LMTK2: variants seen among roughly 807,000 people sequenced by gnomAD.
The protein encoded by LMTK2 is lemur tail kinase 2, also known as serine/threonine-protein kinase LMTK2.
A neutral mutation model predicts 127.5 loss-of-function variants in LMTK2; 37 were observed. The observed-to-expected ratio is 0.29, with a 90% CI of 0.22 to 0.38. LMTK2 has a LOEUF of 0.38. Ranked by LOEUF, LMTK2 falls within the 10% of genes least tolerant of loss-of-function variation. The pLI is 1.00. For missense variants in LMTK2, 1,694 were observed against 1,920.3 expected (o/e 0.88, Z 2.20); for synonymous variants, 819 against 810.1 (o/e 1.01, Z -0.19).
At position 98,192,504 on chromosome 7, in the gene LMTK2, T is replaced by G; in HGVS notation, c.2039T>G (p.Val680Gly). The change falls in exon 11 of 14, where the codon GTC becomes GGC. Residue 680 changes from valine to glycine, a missense_variant. This residue lies in a region of LMTK2 where 527 missense variants were observed against 539.8 expected (regional missense o/e 0.98). Coordinates refer to ENST00000297293, the MANE Select transcript of LMTK2 (RefSeq NM_014916.4). Reference protein sequence around the residue: ...SSSLDNPKESVITGHFEKEKP... With the variant: ...SSSLDNPKESGITGHFEKEKP... The stretch of plus-strand genomic sequence containing the variant: ...AGTTTGGATAACCCCAAAGAGTCAG[T>G]CATAACAGGCCACTTTGAGAAAGAA... 2 of 1,611,544 alleles carry G rather than the reference T, an allele frequency of 1.2e-6. No individual in the cohort carries two copies. The highest frequency in any genetic ancestry group is 1.7e-6 in the Non-Finnish European group (2 of 1,179,430).
chr7:98,140,395 A>T (rs1386766599), intron 2 of LMTK2, among the ~76,000 whole-genome samples: 2 of 151,752 alleles, frequency 1.3e-5, no homozygotes, highest in Non-Finnish European at 2.9e-5. Flanking sequence ...CAAGTGATCC[A>T]CCTGCCTCAG....
intron 1 of LMTK2, among the ~76,000 whole-genome samples, chr7:98,132,503 C>A (rs911448136): frequency 3.3e-5 from 5 of 152,132 alleles, no homozygotes; most frequent in Admixed American, 6.5e-5. Flanking sequence ...CCGACCTTGG[C>A]CTCCCAAAGT....
rs1797602561 is a variant in LMTK2 at position 98,194,829 on chromosome 7, G to A, written c.4107+257G>A. 6.6e-6 allele frequency among the ~76,000 whole-genome samples: 1 copy of A among 152,290 alleles called. No homozygotes were observed. Among genetic ancestry groups the A allele is most frequent in the African/African-American group, 2.4e-5 (1 of 41,548 alleles). On this transcript the variant is annotated intron_variant, in intron 11 of 13. Coordinates refer to ENST00000297293, the MANE Select transcript of LMTK2 (RefSeq NM_014916.4). This position sits in a 1 kb window ranked among gnomAD's most constrained non-coding sequence, Gnocchi z 5.4. The stretch of plus-strand genomic sequence containing the variant: ...CTTCTAATGGAGTCTTCCTGAATTA[G>A]TCACCCTTTACACACCAAATTTTTA...
intron 3 of LMTK2, among the ~76,000 whole-genome samples, chr7:98,145,067 G>A (rs1039706742): frequency 6.6e-6 from 1 of 152,006 alleles, no homozygotes; most frequent in Non-Finnish European, 1.5e-5. Flanking sequence ...TATAATTTTG[G>A]TGGGTCTTGC....
chr7:98,138,246 GC>G, intron 2 of LMTK2, among the ~76,000 whole-genome samples: 1 of 152,302 alleles, frequency 6.6e-6, no homozygotes, highest in South Asian at 2.1e-4. Flanking sequence ...CGCAGGGCTG[GC>G]CCAGGAGCCT....
intron 1 of LMTK2, among the ~76,000 whole-genome samples, chr7:98,135,931 C>G (rs1395175695): frequency 1.3e-5 from 2 of 151,886 alleles, no homozygotes; most frequent in East Asian, 3.9e-4. Context: ...CAGGGGAGGC[C>G]CCCCACGCAA....
chr7:98,119,821 C>T (rs770868511), intron 1 of LMTK2, among the ~76,000 whole-genome samples: 8 of 152,196 alleles, frequency 5.3e-5, no homozygotes, highest in African/African-American at 1.9e-4. Context: ...GTAATCTATA[C>T]GGTAACTTGC....
At position 98,192,442 on chromosome 7, in the gene LMTK2, A is replaced by G; in HGVS notation, c.1977A>G (p.Gly659=). 6.2e-7 allele frequency: 1 copy of G among 1,613,494 alleles called. No homozygotes were observed. The highest frequency in any genetic ancestry group is 8.5e-7 in the Non-Finnish European group (1 of 1,179,904). The change falls in exon 11 of 14, where the codon GGA becomes GGG. Residue 659 remains glycine, a synonymous_variant. Coordinates refer to ENST00000297293, the MANE Select transcript of LMTK2 (RefSeq NM_014916.4). ...QKIFDLMELN[G]VQADFKPATL... ...TATTCGACTTAATGGAATTAAACGG[A>G]GTTCAAGCCGACTTTAAACCTGCCA...
chr7:98,149,668 G>A (rs75249346), intron 3 of LMTK2, among the ~76,000 whole-genome samples: 1 of 137,140 alleles, frequency 7.3e-6, no homozygotes, highest in Non-Finnish European at 1.5e-5. Flanking sequence ...TATAAAACTT[G>A]TAGAATAAAC....
chr7:98,178,910 A>C (rs370300269), intron 7 of LMTK2, among the ~76,000 whole-genome samples: 1 of 152,202 alleles, frequency 6.6e-6, no homozygotes, highest in Non-Finnish European at 1.5e-5. Context: ...TGACCAGCCC[A>C]GCATCACATG....
intron 1 of LMTK2, among the ~76,000 whole-genome samples, chr7:98,128,771 C>G (rs1184706644): frequency 6.6e-6 from 1 of 152,118 alleles, no homozygotes; most frequent in Non-Finnish European, 1.5e-5. Context: ...CACTGATGGC[C>G]TCCAGTAAGA....
At chr7:98,190,988 C>A in intron 10 of LMTK2, 111 bp downstream of exon 10, 1 of 1,027,246 alleles carries the variant, frequency 9.7e-7, no homozygotes, top group Non-Finnish European at 1.5e-6. Flanking sequence ...CCTCTTTCAC[C>A]ATGATGTCAC....
At chr7:98,182,393 AAAAC>A (rs773685543) in intron 7 of LMTK2, among the ~76,000 whole-genome samples, 1 of 152,252 alleles carries the variant, frequency 6.6e-6, no homozygotes, top group African/African-American at 2.4e-5. Flanking sequence ...ACTCAACAAC[AAAAC>A]AAACAGCTTG....
chr7:98,153,353 A>G (rs1448451543), intron 4 of LMTK2, among the ~76,000 whole-genome samples: 1 of 152,168 alleles, frequency 6.6e-6, no homozygotes, highest in East Asian at 1.9e-4. Flanking sequence ...AGGAGACAGG[A>G]GTCTTCTGAA....
In LMTK2 at chr7:98,194,628, G is replaced by A. The variant is rs1407718512; in HGVS notation, c.4107+56G>A. ...CACATCCATATAAGGATTCCAAAAT[G>A]TGCTAGGAAATTGAGTGTGGTCTGT... On this transcript the variant is annotated intron_variant, in intron 11 of 13. Coordinates refer to ENST00000297293, the MANE Select transcript of LMTK2 (RefSeq NM_014916.4). The surrounding 1 kb of genome is among the most constrained non-coding windows in gnomAD (Gnocchi z 5.4). 6 of 1,453,506 alleles carry A rather than the reference G, an allele frequency of 4.1e-6. No individual in the cohort carries two copies. In the Admixed American group the frequency reaches 1.3e-4, roughly 32 times the overall value. 90.0% of individuals were successfully genotyped at this position (1,453,506 alleles called of 1,614,324 possible). A position where few individuals can be genotyped will look rare whatever the true frequency, so the allele number is the denominator to read the frequency against.
intron 1 of LMTK2, among the ~76,000 whole-genome samples, chr7:98,133,112 C>T (rs767865853): frequency 1.4e-4 from 22 of 152,276 alleles, no homozygotes; most frequent in East Asian, 7.7e-4. Flanking sequence ...GTAGACATGC[C>T]GGGTGTTTTT....
chr7:98,157,251 CGGTAGGTAGGT>C (rs1796937904), intron 5 of LMTK2, among the ~76,000 whole-genome samples: 1 of 141,932 alleles, frequency 7.0e-6, no homozygotes, highest in African/African-American at 2.6e-5. Context: ...GACCCTGTCT[CGGTAGGTAGGT>C]AGGTAGGTAG....
Position 98,159,318 on chromosome 7 carries a change from A to G in LMTK2, c.570-20A>G, listed in dbSNP as rs745384523. 1 of 1,534,594 alleles carries G rather than the reference A, an allele frequency of 6.5e-7. No homozygotes were observed. Among genetic ancestry groups the G allele is most frequent in the Non-Finnish European group, 8.9e-7 (1 of 1,118,938 alleles). On this transcript the variant is annotated intron_variant, in intron 5 of 13. Coordinates refer to ENST00000297293, the MANE Select transcript of LMTK2 (RefSeq NM_014916.4). The stretch of plus-strand genomic sequence containing the variant: ...ATCATGCTTCCTGATGAACAATATT[A>G]TGGCTTTTATTTTTCCCAGCATTCT...
chr7:98,195,979 C>T (rs745630148), intron 11 of LMTK2, among the ~76,000 whole-genome samples: 1 of 152,108 alleles, frequency 6.6e-6, no homozygotes, highest in Non-Finnish European at 1.5e-5. Flanking sequence ...CACCTGACGT[C>T]GGGAATTCAA....
Sources: allele counts gnomAD v4.1 joint callset (sites outside exome capture counted in the v4.1 genomes callset), GRCh38; gene constraint gnomAD v4.1.1; regional missense constraint gnomAD v4.1.1; non-coding constraint Gnocchi (gnomAD v3.1); transcripts MANE v1.5; gene names NCBI Gene and HGNC (gene_info 2026-07-23, HGNC 2026-07-21).